Variants in CDH13 observed in about 807,000 individuals in gnomAD.
CDH13 encodes the protein cadherin 13.
In CDH13, 24 loss-of-function variants were observed where a neutral mutation model predicts 63.8. The observed-to-expected ratio is 0.38, with a 90% confidence interval of 0.27 to 0.53. The LOEUF is 0.53. Among genes scored for constraint, CDH13 ranks in the 20% least tolerant of loss-of-function variants. CDH13 has a pLI of 0.85. For missense variants in CDH13, 1,049 were observed against 903.1 expected (o/e 1.16, Z -2.07); for synonymous variants, 503 against 355.3 (o/e 1.42, Z -4.67).
At chr16:83,083,769 C>G (rs367885944) in intron 3 of CDH13, among the ~76,000 whole-genome samples, 98 of 152,316 alleles carry the variant, frequency 6.4e-4, no homozygotes, top group African/African-American at 2.2e-3. Context: ...CTTAGCAGCT[C>G]ACTAGTTGTT....
chr16:83,601,807 C>T (rs924355535), intron 7 of CDH13, among the ~76,000 whole-genome samples: 6 of 151,940 alleles, frequency 3.9e-5, no homozygotes, highest in East Asian at 1.9e-4. Flanking sequence ...TAAAGGACAA[C>T]GTAGGGGCCG....
intron 1 of CDH13, among the ~76,000 whole-genome samples, chr16:82,647,323 G>C (rs933765354): frequency 2.0e-5 from 3 of 152,328 alleles, no homozygotes; most frequent in East Asian, 3.9e-4. Context: ...GACCATGGTT[G>C]TGAGTGACTT....
chr16:83,226,471 C>G (rs534240305), intron 5 of CDH13, among the ~76,000 whole-genome samples: 1 of 152,294 alleles, frequency 6.6e-6, no homozygotes, highest in East Asian at 1.9e-4. Context: ...TTTCTCTTCT[C>G]CACCCCCACA....
At chr16:83,584,029 G>C (rs1257654690) in intron 7 of CDH13, among the ~76,000 whole-genome samples, 1 of 152,070 alleles carries the variant, frequency 6.6e-6, no homozygotes, top group Non-Finnish European at 1.5e-5. Flanking sequence ...CAAAAGCAGA[G>C]AGTTAAAGCA....
chr16:83,027,101 G>GCCCCCCC (rs1386342125), intron 2 of CDH13, among the ~76,000 whole-genome samples: 38 of 118,554 alleles, frequency 3.2e-4, no homozygotes, highest in Non-Finnish European at 5.9e-4. Flanking sequence ...ACAGAAGGGA[G>GCCCCCCC]ACCCCCCCCC....
chr16:82,743,977 T>G (rs552506017), intron 1 of CDH13, among the ~76,000 whole-genome samples: 42 of 152,342 alleles, frequency 2.8e-4, no homozygotes, highest in Middle Eastern at 3.4e-3. Context: ...AGGTGCTCTT[T>G]TAGACTTTGG....
At chr16:83,451,344 C>G (rs1356084611) in intron 6 of CDH13, among the ~76,000 whole-genome samples, 1 of 152,088 alleles carries the variant, frequency 6.6e-6, no homozygotes, top group Non-Finnish European at 1.5e-5. Flanking sequence ...CTTTATAAAA[C>G]CATCAGATCT....
intron 6 of CDH13, among the ~76,000 whole-genome samples, chr16:83,433,058 C>T (rs1051030692): frequency 6.6e-6 from 1 of 152,190 alleles, no homozygotes; most frequent in Non-Finnish European, 1.5e-5. Flanking sequence ...GGCTCTCTTA[C>T]TGTGTCATGC....
chr16:83,299,935 A>G (rs2089692634), intron 5 of CDH13, among the ~76,000 whole-genome samples: 1 of 152,200 alleles, frequency 6.6e-6, no homozygotes, highest in Admixed American at 6.5e-5. Context: ...TCCCAAATTC[A>G]GATGAGGGCA....
At chr16:82,765,812 A>G (rs2035033998) in intron 1 of CDH13, among the ~76,000 whole-genome samples, 1 of 152,154 alleles carries the variant, frequency 6.6e-6, no homozygotes, top group Admixed American at 6.5e-5. Context: ...GAGCATCTAC[A>G]TAGGACCAGG....
intron 1 of CDH13, among the ~76,000 whole-genome samples, chr16:82,729,860 A>T (rs2033306783): frequency 6.6e-6 from 1 of 152,192 alleles, no homozygotes; most frequent in South Asian, 2.1e-4. Flanking sequence ...GATCTTCTGG[A>T]AAACTTGTTG....
rs562654138 is a variant in CDH13, at chr16:83,047,341, C to T, written c.366+15123C>T. On this transcript the variant is annotated intron_variant, in intron 3 of 13. Transcript: ENST00000567109. The surrounding 1 kb of genome is among the most constrained non-coding windows in gnomAD (Gnocchi z 4.9). ...CCTTGCATTGTCCATTCTCGTAAAC[C>T]GTGGTTAACACAGATAATTGAGACT... Among the ~76,000 whole-genome samples, 27 of 152,232 alleles carry T rather than the reference C, an allele frequency of 1.8e-4. No homozygotes were observed. The East Asian group carries it at 4.1e-3, about 23-fold the overall frequency.
chr16:83,227,236 C>A (rs562348908), intron 5 of CDH13, among the ~76,000 whole-genome samples: 6 of 152,190 alleles, frequency 3.9e-5, no homozygotes, highest in Admixed American at 3.3e-4. Flanking sequence ...GAAAGAGAGG[C>A]CCCCTCTGAC....
At chr16:82,690,248 A>G (rs1038293569) in intron 1 of CDH13, among the ~76,000 whole-genome samples, 1 of 151,598 alleles carries the variant, frequency 6.6e-6, no homozygotes, top group African/African-American at 2.4e-5. Context: ...AAATATGAAG[A>G]AGAATGGTGA....
At chr16:83,203,749 G>A (rs1038334981) in intron 4 of CDH13, among the ~76,000 whole-genome samples, 14 of 151,972 alleles carry the variant, frequency 9.2e-5, no homozygotes, top group Non-Finnish European at 1.9e-4. Context: ...CCTTTCCCTG[G>A]GAACAGTAAT....
At chr16:83,601,333 C>G (rs1028406368) in intron 7 of CDH13, among the ~76,000 whole-genome samples, 2 of 152,146 alleles carry the variant, frequency 1.3e-5, no homozygotes, top group African/African-American at 4.8e-5. Flanking sequence ...TCTTCTTCAT[C>G]TTAGGATCAG....
intron 11 of CDH13, among the ~76,000 whole-genome samples, chr16:83,764,812 C>T (rs1261653276): frequency 6.6e-6 from 1 of 152,104 alleles, no homozygotes; most frequent in Non-Finnish European, 1.5e-5. Context: ...GCCTGCCTTC[C>T]CTGAAGCCCT....
chr16:83,059,016 C>T lies in CDH13; in HGVS notation c.366+26798C>T, dbSNP rs572932291. Among the ~76,000 whole-genome samples, 6 of 152,148 alleles carry T rather than the reference C, an allele frequency of 3.9e-5. No individual in the cohort carries two copies. In the South Asian group the frequency reaches 6.2e-4, roughly 16 times the overall value. On this transcript the variant is annotated intron_variant, in intron 3 of 13. Transcript: ENST00000567109. ...TGTATCTGCCTTAGTTGGAGATTCC[C>T]GGGAAGAAAAGCCCAGGACAAGTGG... is the stretch of plus-strand genomic sequence containing the variant.
At chr16:82,814,082 T>A (rs1184578083) in intron 1 of CDH13, among the ~76,000 whole-genome samples, 1 of 152,146 alleles carries the variant, frequency 6.6e-6, no homozygotes, top group Non-Finnish European at 1.5e-5. Context: ...TGAGAGTGGA[T>A]ATACCAAAGT....
Sources: gnomAD v4.1 joint callset for allele counts (sites outside exome capture counted in the v4.1 genomes callset) on GRCh38, gnomAD v4.1.1 for gene constraint, Gnocchi (gnomAD v3.1) non-coding constraint, MANE v1.5 for transcripts, NCBI Gene and HGNC (gene_info 2026-07-23, HGNC 2026-07-21) for gene names.